STK10: variants seen among roughly 807,000 people sequenced by gnomAD.
The protein encoded by STK10 is serine/threonine-protein kinase 10.
In STK10, 78 loss-of-function variants were observed where a neutral mutation model predicts 113.8. That is an observed-to-expected ratio of 0.69 (90% confidence interval 0.57 to 0.83). The LOEUF is 0.83. Among genes scored for constraint, STK10 ranks in the 40% least tolerant of loss-of-function variants. The pLI, the probability that STK10 is intolerant of heterozygous loss-of-function variation, is 0.00. For synonymous variants in STK10, 465 were observed against 494.7 expected, an observed-to-expected ratio of 0.94 and a Z score of 0.80; for missense variants, 1,109 against 1,280.1, an observed-to-expected ratio of 0.87 and a Z score of 2.04.
chr5:172,179,497 G>A (rs1246412388), intron 1 of STK10, among the ~76,000 whole-genome samples: 8 of 152,150 alleles, frequency 5.3e-5, no homozygotes, highest in African/African-American at 1.9e-4. Context: ...GTGGAGGGCG[G>A]GTCCATCTGT....
chr5:172,073,419 TG>T (rs1367606509), intron 12 of STK10, among the ~76,000 whole-genome samples: 4 of 152,162 alleles, frequency 2.6e-5, no homozygotes, highest in Non-Finnish European at 5.9e-5. Context: ...TCCAAAGTGC[TG>T]GGATTACAGG....
intron 18 of STK10, among the ~76,000 whole-genome samples, chr5:172,047,029 ATACATCTGAAT>A (rs1767507971): frequency 6.6e-6 from 1 of 152,230 alleles, no homozygotes; most frequent in Non-Finnish European, 1.5e-5. Context: ...CTTACTCGAA[ATACATCTGAAT>A]TTTTCTAAAA....
chr5:172,151,055 G>A (rs1770218473), intron 2 of STK10, among the ~76,000 whole-genome samples: 1 of 152,240 alleles, frequency 6.6e-6, no homozygotes, highest in Non-Finnish European at 1.5e-5. Flanking sequence ...CCGTGCCGGG[G>A]ACCAAAGAGA....
chr5:172,184,461 G>C (rs1459373050), intron 1 of STK10, among the ~76,000 whole-genome samples: 2 of 152,068 alleles, frequency 1.3e-5, no homozygotes, highest in Non-Finnish European at 2.9e-5. Context: ...GGGACATATG[G>C]GGTTGGCTTA....
chr5:172,100,643 C>T (rs549221589), intron 7 of STK10, among the ~76,000 whole-genome samples: 10 of 152,052 alleles, frequency 6.6e-5, no homozygotes, highest in Admixed American at 3.3e-4. Flanking sequence ...AAGAATTAGC[C>T]GGGTGTGGTG....
At chr5:172,098,334 AG>A (rs1768902711) in intron 7 of STK10, among the ~76,000 whole-genome samples, 1 of 152,164 alleles carries the variant, frequency 6.6e-6, no homozygotes, top group African/African-American at 2.4e-5. Context: ...CTGCAGGCAG[AG>A]GGGCCTCATT....
At chr5:172,156,267 G>A (rs191400224) in intron 2 of STK10, among the ~76,000 whole-genome samples, 240 of 152,286 alleles carry the variant, frequency 1.6e-3, no homozygotes, top group African/African-American at 5.4e-3. Context: ...TCACTTAATC[G>A]CAGTAATCAC....
rs573760781 is a variant in STK10 at position 172,096,470 on chromosome 5, C to T, written c.961G>A (p.Gly321Ser). 3.5e-5 allele frequency: 56 copies of T among 1,613,592 alleles called. No homozygotes were observed. In the East Asian group the frequency reaches 3.8e-4, roughly 11 times the overall value. Residue 321 changes from glycine (G) to serine (S), a missense_variant, in exon 8 of 19, where the codon GGC becomes AGC. Gly to Ser is a moderately conservative substitution (Grantham distance 56). Around this residue, in one of 5 missense-constraint regions of STK10, gnomAD observed 885 missense variants for 991.1 expected, o/e 0.89. Transcript: ENST00000176763. ...KAEVMEEIED[G>S]RDEGEEEDAV... is the part of the protein sequence containing the mutation. ...TCCTCCTCTTCCCCCTCATCCCGGC[C>T]GTCTTCGATCTCTTCCATCACCTCG... is the stretch of plus-strand genomic sequence containing the variant.
chr5:172,084,760 G>C (rs970959784), intron 10 of STK10, among the ~76,000 whole-genome samples: 2 of 151,942 alleles, frequency 1.3e-5, no homozygotes, highest in Non-Finnish European at 2.9e-5. Context: ...TTGGGTGTCA[G>C]ATTTTTTTAG....
In STK10 at chr5:172,185,410, G is replaced by A. The variant is rs114276481; in HGVS notation, c.156+2477C>T. On this transcript the variant is annotated intron_variant, in intron 1 of 18. Transcript: ENST00000176763. ...CAGCCTCCTGAGACGCTGGGATTAC[G>A]GGCATGCATCACCATGCCCGGCTAA... 3.6e-3 allele frequency among the ~76,000 whole-genome samples: 541 copies of A among 152,082 alleles called. 8 individuals carry two copies. Among genetic ancestry groups the A allele is most frequent in the African/African-American group, 0.012 (503 of 41,508 alleles).
intron 13 of STK10, among the ~76,000 whole-genome samples, chr5:172,062,440 G>A (rs376102515): frequency 6.6e-5 from 10 of 152,276 alleles, no homozygotes; most frequent in Admixed American, 3.9e-4. Context: ...AAAGAGATAT[G>A]TGTGCACCCA....
At chr5:172,048,765 T>C (rs901826158) in intron 18 of STK10, among the ~76,000 whole-genome samples, 7 of 151,990 alleles carry the variant, frequency 4.6e-5, no homozygotes, top group East Asian at 1.9e-4. Context: ...GACCACCTTG[T>C]CCTCTGCTCA....
At chr5:172,167,880 C>T (rs1373467414) in intron 1 of STK10, among the ~76,000 whole-genome samples, 2 of 152,226 alleles carry the variant, frequency 1.3e-5, no homozygotes, top group Non-Finnish European at 2.9e-5. Flanking sequence ...GCATCTAAAA[C>T]TCACTCCACT....
intron 2 of STK10, among the ~76,000 whole-genome samples, chr5:172,149,871 C>G (rs942145766): frequency 3.3e-5 from 5 of 151,442 alleles, no homozygotes; most frequent in African/African-American, 1.2e-4. Flanking sequence ...CATGGTGAAA[C>G]CTCGTCTCTA....
In STK10 at chr5:172,187,890, G is replaced by A. The variant is rs1418619187; in HGVS notation, c.153C>T (p.Tyr51=). ...CCACCCACCTCAGCGCCCTCACCTTGTAAACCTTGCCGAAGGCGCCGTCGC... is the reference window on the plus strand; with the variant it reads ...CCACCCACCTCAGCGCCCTCACCTTATAAACCTTGCCGAAGGCGCCGTCGC... ...ELGDGAFGKV[Y]KAKNKETGAL... The change falls in exon 1 of 19, where the codon TAC becomes TAT. Residue 51 remains tyrosine, a synonymous_variant. Coordinates refer to ENST00000176763, the MANE Select transcript of STK10 (RefSeq NM_005990.4). This position sits in a 1 kb window ranked among gnomAD's most constrained non-coding sequence, Gnocchi z 4.6. The A allele has an allele frequency of 1.9e-5, 31 of 1,613,072 alleles. No individual in the cohort carries two copies. Among genetic ancestry groups the A allele is most frequent in the Non-Finnish European group, 2.6e-5 (31 of 1,179,658 alleles).
At chr5:172,170,148 T>C (rs1182926914) in intron 1 of STK10, among the ~76,000 whole-genome samples, 3 of 151,694 alleles carry the variant, frequency 2.0e-5, no homozygotes, top group African/African-American at 7.3e-5. Context: ...TCAGTATGTA[T>C]TCTTAAATGA....
Position 172,064,947 on chromosome 5 carries a change from C to CG in STK10, c.1990-136dup. The CG allele has an allele frequency of 3.4e-6, 3 of 872,028 alleles. No homozygotes were observed. In the South Asian group the frequency reaches 4.9e-5, roughly 14 times the overall value. The allele number at this position is 872,028 out of a possible 1,614,324, so 54.0% of individuals were successfully genotyped here. A position where few individuals can be genotyped will look rare whatever the true frequency, so the allele number is the denominator to read the frequency against. On this transcript the variant is annotated intron_variant, in intron 12 of 18. Transcript: ENST00000176763. ...GCTTTGCAGCGGCCAGCACCCTACGCGGCTCCCCACCAAGCCCCTCTGAGC... is the reference window on the plus strand; with the variant it reads ...GCTTTGCAGCGGCCAGCACCCTACGCGGGCTCCCCACCAAGCCCCTCTGAGC...
At chr5:172,186,543 G>A (rs1163299370) in intron 1 of STK10, among the ~76,000 whole-genome samples, 1 of 151,818 alleles carries the variant, frequency 6.6e-6, no homozygotes, top group Non-Finnish European at 1.5e-5. Flanking sequence ...AATTGCTTGA[G>A]CCCAGGAGGC....
intron 8 of STK10, among the ~76,000 whole-genome samples, chr5:172,094,328 C>T (rs1039269710): frequency 6.6e-6 from 1 of 152,100 alleles, no homozygotes; most frequent in Non-Finnish European, 1.5e-5. Flanking sequence ...GTGGCCAAAC[C>T]TTCCCAGTTT....
Sources: gnomAD v4.1 joint callset for allele counts (sites outside exome capture counted in the v4.1 genomes callset) on GRCh38, gnomAD v4.1.1 for gene constraint, gnomAD v4.1.1 regional missense constraint, Gnocchi (gnomAD v3.1) non-coding constraint, MANE v1.5 for transcripts, NCBI Gene and HGNC (gene_info 2026-07-23, HGNC 2026-07-21) for gene names.